The following AK5 variants were observed in gnomAD, a reference collection of about 807,000 sequenced individuals.
AK5 encodes adenylate kinase isoenzyme 5.
A neutral mutation model predicts 69.5 loss-of-function variants in AK5; 27 were observed. The observed-to-expected ratio is 0.39, with a 90% CI of 0.29 to 0.54. The LOEUF (loss-of-function observed/expected upper bound fraction) is 0.54. AK5 is among the 20% of genes least tolerant of loss of function. The pLI is 0.71. For missense variants in AK5, 531 were observed against 700.4 expected (o/e 0.76, Z 2.73); for synonymous variants, 260 against 244.4 (o/e 1.06, Z -0.60).
intron 12 of AK5, among the ~76,000 whole-genome samples, chr1:77,531,505 C>CA (rs1658586930): frequency 6.6e-6 from 1 of 152,160 alleles, no homozygotes; most frequent in Admixed American, 6.5e-5. Flanking sequence ...AAAGGTTCTC[C>CA]AAGTCCCCAC....
At chr1:77,310,367 TG>T (rs1659874818) in intron 5 of AK5, among the ~76,000 whole-genome samples, 1 of 151,924 alleles carries the variant, frequency 6.6e-6, no homozygotes. Context: ...CCACCCCTTC[TG>T]TTTTTTTGGT....
intron 8 of AK5, among the ~76,000 whole-genome samples, chr1:77,427,429 C>T (rs150997149): frequency 2.3e-3 from 350 of 152,160 alleles, no homozygotes; most frequent in African/African-American, 8.0e-3. Flanking sequence ...ACAGCCAAAA[C>T]TCATACAAGA....
At chr1:77,451,810 C>A (rs1403604022) in intron 8 of AK5, among the ~76,000 whole-genome samples, 1 of 152,152 alleles carries the variant, frequency 6.6e-6, no homozygotes, top group Non-Finnish European at 1.5e-5. Flanking sequence ...GGTGCCTGTC[C>A]AGAGAAATCT....
chr1:77,368,300 A>G (rs1247533816), intron 6 of AK5, among the ~76,000 whole-genome samples: 11 of 112,900 alleles, frequency 9.7e-5, no homozygotes, highest in East Asian at 8.2e-4. Flanking sequence ...TATGTTATAT[A>G]TAATATATAT....
intron 10 of AK5, among the ~76,000 whole-genome samples, chr1:77,489,248 T>C (rs1655824359): frequency 6.9e-6 from 1 of 145,886 alleles, no homozygotes; most frequent in Non-Finnish European, 1.5e-5. Flanking sequence ...TAAGAATTGC[T>C]GCACTGAGCA....
intron 5 of AK5, among the ~76,000 whole-genome samples, chr1:77,326,535 C>A (rs531222917): frequency 3.8e-4 from 58 of 151,856 alleles, no homozygotes; most frequent in South Asian, 1.5e-3. Flanking sequence ...ATTTTCCATT[C>A]AGTAGGTTTG....
At chr1:77,458,412 C>T (rs967142872) in intron 8 of AK5, among the ~76,000 whole-genome samples, 1 of 152,204 alleles carries the variant, frequency 6.6e-6, no homozygotes, top group African/African-American at 2.4e-5. Context: ...AACTCAATCA[C>T]CTCTGCAAAT....
chr1:77,541,055 C>T (rs1401976068), intron 13 of AK5, among the ~76,000 whole-genome samples: 1 of 152,072 alleles, frequency 6.6e-6, no homozygotes, highest in Non-Finnish European at 1.5e-5. Context: ...TACAGGCACC[C>T]ACCACCACAC....
At chr1:77,483,474 GC>G in intron 9 of AK5, 115 bp downstream of exon 9, 1 of 859,264 alleles carries the variant, frequency 1.2e-6, no homozygotes, top group Non-Finnish European at 1.9e-6. Context: ...TTTTTCCTTG[GC>G]CAGGGAGCAT....
At chr1:77,468,456 C>A (rs1323602364) in intron 8 of AK5, among the ~76,000 whole-genome samples, 2 of 152,222 alleles carry the variant, frequency 1.3e-5, no homozygotes, top group Non-Finnish European at 2.9e-5. Context: ...GGCAGCCGTG[C>A]CTCAGAGGCA....
At chr1:77,283,739 A>G (rs1658194888) in intron 1 of AK5, 1 of 540,180 alleles carries the variant, frequency 1.9e-6, no homozygotes, top group Non-Finnish European at 2.4e-6. Context: ...GAATCTTAAG[A>G]GTTGTTTTTT....
chr1:77,339,962 G>C (rs912790550), intron 5 of AK5, among the ~76,000 whole-genome samples: 1 of 152,144 alleles, frequency 6.6e-6, no homozygotes, highest in African/African-American at 2.4e-5. Flanking sequence ...GCATACAGTA[G>C]ATAATTTTTA....
intron 8 of AK5, among the ~76,000 whole-genome samples, chr1:77,450,112 C>T (rs1445587904): frequency 6.6e-6 from 1 of 152,178 alleles, no homozygotes; most frequent in Admixed American, 6.5e-5. Context: ...GTCACCTTTG[C>T]TGCAGTTCCC....
chr1:77,405,666 T>C lies in AK5; in HGVS notation c.892-5315T>C, dbSNP rs546172895. 1.4e-3 allele frequency among the ~76,000 whole-genome samples: 214 copies of C among 152,286 alleles called. 5 individuals carry two copies. The highest frequency in any genetic ancestry group is 3.3e-3 in the South Asian group (16 of 4,824). On this transcript the variant is annotated intron_variant, in intron 6 of 13. Transcript: ENST00000354567. Reference sequence around the variant, plus strand: ...CTTCCCAGTGGCTGCTCAGAGAGGCTGGGCAGTGTAACCAAGAAGTGGAGG... The same window carrying C: ...CTTCCCAGTGGCTGCTCAGAGAGGCCGGGCAGTGTAACCAAGAAGTGGAGG...
chr1:77,334,598 T>C (rs1661254775), intron 5 of AK5, among the ~76,000 whole-genome samples: 6 of 152,194 alleles, frequency 3.9e-5, no homozygotes, highest in Admixed American at 3.9e-4. Context: ...TTTGCTCCTT[T>C]CCATATTTTT....
chr1:77,459,985 G>A (rs1036893496), intron 8 of AK5, among the ~76,000 whole-genome samples: 1 of 152,170 alleles, frequency 6.6e-6, no homozygotes, highest in African/African-American at 2.4e-5. Flanking sequence ...ATTGAAACCT[G>A]TCAAGGCTCT....
At chr1:77,379,948 A>T (rs942074769) in intron 6 of AK5, among the ~76,000 whole-genome samples, 3 of 152,230 alleles carry the variant, frequency 2.0e-5, no homozygotes, top group Non-Finnish European at 4.4e-5. Context: ...GCTGGATTTT[A>T]AATCTGCTTC....
chr1:77,406,857 G>T (rs755268043), intron 6 of AK5, among the ~76,000 whole-genome samples: 8 of 152,096 alleles, frequency 5.3e-5, no homozygotes, highest in Non-Finnish European at 8.8e-5. Context: ...GGAATAATTA[G>T]CCCTAAACAC....
At chr1:77,501,188 C>T (rs1656697583) in intron 10 of AK5, among the ~76,000 whole-genome samples, 1 of 152,202 alleles carries the variant, frequency 6.6e-6, no homozygotes, top group Non-Finnish European at 1.5e-5. Flanking sequence ...TAGGGCTATG[C>T]CCCTCGTAGC....
Sources: allele counts gnomAD v4.1 joint callset (sites outside exome capture counted in the v4.1 genomes callset), GRCh38; gene constraint gnomAD v4.1.1; transcripts MANE v1.5; gene names NCBI Gene and HGNC (gene_info 2026-07-23, HGNC 2026-07-21).